The following RUNDC3B variants were observed in gnomAD, a reference collection of about 807,000 sequenced individuals.
RUNDC3B encodes RUN domain containing 3B, also known as RUN domain-containing protein 3B.
RUNDC3B carries 33 observed loss-of-function variants against 58.4 expected under a neutral mutation model. That is an observed-to-expected ratio of 0.56 (90% CI 0.43 to 0.75). The LOEUF (loss-of-function observed/expected upper bound fraction) is 0.75, where lower values mean the gene tolerates loss of function less well. Ranked by LOEUF, RUNDC3B falls within the 30% of genes least tolerant of loss-of-function variation. The pLI is 0.00. For missense variants in RUNDC3B, 501 were observed against 535.7 expected (o/e 0.94, Z 0.64); for synonymous variants, 193 against 195.2 (o/e 0.99, Z 0.10).
intron 2 of RUNDC3B, among the ~76,000 whole-genome samples, chr7:87,681,624 C>T (rs1364852599): frequency 3.3e-5 from 5 of 150,568 alleles, no homozygotes; most frequent in Non-Finnish European, 5.9e-5. Context: ...AAGTCATTAC[C>T]TTTTTGCTGG....
In RUNDC3B at chr7:87,831,588, G is replaced by C. The variant is rs1007042378; in HGVS notation, c.*1558G>C. The C allele has an allele frequency of 6.6e-6, 1 of 151,792 alleles. No individual in the cohort carries two copies. Among genetic ancestry groups the C allele is most frequent in the Non-Finnish European group, 1.5e-5 (1 of 67,850 alleles). The allele number at this position is 151,792 out of a possible 1,614,324, so 9.4% of individuals were successfully genotyped here. ...TACTTGTAGAAATGCAAATATTCTTGAGAAATGATACATTTTTTGTTCTCA... is the reference window on the plus strand; with the variant it reads ...TACTTGTAGAAATGCAAATATTCTTCAGAAATGATACATTTTTTGTTCTCA... On this transcript the variant is annotated 3_prime_UTR_variant, in exon 11 of 11. Coordinates refer to ENST00000394654, the MANE Select transcript of RUNDC3B (RefSeq NM_001134405.2).
chr7:87,715,094 T>C (rs1210685245), intron 4 of RUNDC3B, among the ~76,000 whole-genome samples: 1 of 150,160 alleles, frequency 6.7e-6, no homozygotes, highest in East Asian at 1.9e-4. Context: ...GAGCAAAAAG[T>C]TTGACTTAAG....
At chr7:87,797,968 G>A (rs1198292083) in intron 8 of RUNDC3B, among the ~76,000 whole-genome samples, 1 of 152,134 alleles carries the variant, frequency 6.6e-6, no homozygotes, top group Non-Finnish European at 1.5e-5. Flanking sequence ...CAAAATACAC[G>A]AATACAGTCA....
intron 7 of RUNDC3B, 40 bp from the exon 8 acceptor site, chr7:87,777,758 A>G: frequency 1.9e-6 from 3 of 1,581,802 alleles, no homozygotes; most frequent in Non-Finnish European, 2.6e-6. Context: ...ATGTATTAGA[A>G]TTTTGCAGTT....
chr7:87,799,437 T>A (rs962650561), intron 8 of RUNDC3B, among the ~76,000 whole-genome samples: 7 of 152,168 alleles, frequency 4.6e-5, no homozygotes, highest in Admixed American at 1.3e-4. Flanking sequence ...TGACCTTCAG[T>A]AATTGCTACC....
chr7:87,789,246 T>A (rs775197323), intron 8 of RUNDC3B, among the ~76,000 whole-genome samples: 4 of 152,246 alleles, frequency 2.6e-5, no homozygotes, highest in Non-Finnish European at 5.9e-5. Flanking sequence ...TTTTTTCTCT[T>A]TATGGTTTGA....
intron 4 of RUNDC3B, among the ~76,000 whole-genome samples, chr7:87,725,184 G>A (rs1831144322): frequency 6.6e-6 from 1 of 152,088 alleles, no homozygotes. Flanking sequence ...TTGGTGTGCT[G>A]CACCCATTAA....
intron 2 of RUNDC3B, among the ~76,000 whole-genome samples, chr7:87,697,172 C>T (rs1484185793): frequency 6.6e-6 from 1 of 152,148 alleles, no homozygotes; most frequent in Non-Finnish European, 1.5e-5. Flanking sequence ...CATGGACAAC[C>T]TATGCTTTAT....
At position 87,752,631 on chromosome 7, in the gene RUNDC3B, C is replaced by T. The variant is rs1833086171; in HGVS notation, c.629+11052C>T. 2.0e-5 allele frequency among the ~76,000 whole-genome samples: 3 copies of T among 152,254 alleles called. No individual in the cohort carries two copies. The South Asian group carries it at 6.2e-4, about 32-fold the overall frequency. On this transcript the variant is annotated intron_variant, in intron 6 of 10. Coordinates refer to ENST00000394654, the MANE Select transcript of RUNDC3B (RefSeq NM_001134405.2). ...GAGTGTATGTGTTGAGGAATTTATC[C>T]ATTTCTTCTAAATTTTCTAGTTTAT...
At chr7:87,677,468 A>G (rs776518943) in intron 2 of RUNDC3B, among the ~76,000 whole-genome samples, 3 of 152,278 alleles carry the variant, frequency 2.0e-5, no homozygotes, top group Non-Finnish European at 2.9e-5. Context: ...GGAGCCTAAA[A>G]ATAGTCAAAC....
chr7:87,628,930 T>G lies in RUNDC3B; in HGVS notation c.107T>G (p.Leu36Arg). 7.6e-7 allele frequency: 1 copy of G among 1,310,036 alleles called. No individual in the cohort carries two copies. The highest frequency in any genetic ancestry group is 9.8e-7 in the Non-Finnish European group (1 of 1,020,582). The allele number at this position is 1,310,036 out of a possible 1,614,324, so 81.2% of individuals were successfully genotyped here. The change falls in exon 1 of 11, where the codon CTG becomes CGG. Residue 36 changes from leucine (L) to arginine (R), a missense_variant. Leu to Arg is a moderately radical substitution (Grantham distance 102). Transcript: ENST00000394654. ...AATGCTGCGGTGGAGAGGAGGAACC[T>G]GATCACCGTGTGCAGGTACGGCAGC... ...ARNAAVERRN[L>R]ITVCRFSVKT... is the part of the protein sequence containing the mutation.
intron 2 of RUNDC3B, among the ~76,000 whole-genome samples, chr7:87,670,634 T>G (rs765125239): frequency 1.3e-5 from 2 of 152,234 alleles, no homozygotes; most frequent in Non-Finnish European, 2.9e-5. Flanking sequence ...GTAGATTAAG[T>G]ATAGTCAACA....
At chr7:87,666,807 G>A (rs534173604) in intron 2 of RUNDC3B, among the ~76,000 whole-genome samples, 1 of 152,160 alleles carries the variant, frequency 6.6e-6, no homozygotes, top group South Asian at 2.1e-4. Context: ...TAGGTGTGTA[G>A]CCTTATTTCT....
intron 2 of RUNDC3B, among the ~76,000 whole-genome samples, chr7:87,675,919 A>G (rs1826309688): frequency 6.6e-6 from 1 of 152,224 alleles, no homozygotes; most frequent in African/African-American, 2.4e-5. Flanking sequence ...GAACGACATT[A>G]AACTGAGAAG....
chr7:87,818,127 A>G (rs997202193), intron 10 of RUNDC3B, among the ~76,000 whole-genome samples: 1 of 152,184 alleles, frequency 6.6e-6, no homozygotes, highest in African/African-American at 2.4e-5. Context: ...AATTCATACT[A>G]TGAATGAATT....
chr7:87,742,411 C>A (rs1057308014), intron 6 of RUNDC3B, among the ~76,000 whole-genome samples: 1 of 152,094 alleles, frequency 6.6e-6, no homozygotes, highest in Admixed American at 6.6e-5. Context: ...TATGCCTTTG[C>A]GTCCTCATGG....
Position 87,813,959 on chromosome 7 carries a change from C to A in RUNDC3B, c.1104-2182C>A, listed in dbSNP as rs531140184. ...TCGCGCCACTGCACTCCAGCCTGGGCGACAGAGCGAGACTCCGTCTCAAAA... is the reference window on the plus strand; with the variant it reads ...TCGCGCCACTGCACTCCAGCCTGGGAGACAGAGCGAGACTCCGTCTCAAAA... On this transcript the variant is annotated intron_variant, in intron 9 of 10. Coordinates refer to ENST00000394654, the MANE Select transcript of RUNDC3B (RefSeq NM_001134405.2). 3.4e-5 allele frequency among the ~76,000 whole-genome samples: 5 copies of A among 145,692 alleles called. No individual in the cohort carries two copies. The South Asian group carries it at 8.6e-4, about 25-fold the overall frequency.
rs146937261 is a variant in RUNDC3B, at chr7:87,785,098, G to A, written c.956+7143G>A. Among the ~76,000 whole-genome samples, 7 of 152,158 alleles carry A rather than the reference G, an allele frequency of 4.6e-5. No individual in the cohort carries two copies. The East Asian group carries it at 1.4e-3, about 29-fold the overall frequency. ...ATTTATAGCTCGTGTGGTGCCTGCA[G>A]CCCAGGGTTTTTAGCCTGGCAAATG... is the stretch of plus-strand genomic sequence containing the variant. On this transcript the variant is annotated intron_variant, in intron 8 of 10. Transcript: ENST00000394654.
chr7:87,651,012 A>C, intron 2 of RUNDC3B, 75 bp downstream of exon 2: 1 of 838,496 alleles, frequency 1.2e-6, no homozygotes, highest in Non-Finnish European at 2.0e-6. Context: ...GAAATCATAC[A>C]GTCTGTGTGA....
Sources: allele counts gnomAD v4.1 joint callset (sites outside exome capture counted in the v4.1 genomes callset), GRCh38; gene constraint gnomAD v4.1.1; transcripts MANE v1.5; gene names NCBI Gene and HGNC (gene_info 2026-07-23, HGNC 2026-07-21).